The following GRB2 variants were observed in gnomAD, a reference collection of about 807,000 sequenced individuals.
GRB2 encodes growth factor receptor-bound protein 2.
Under a neutral mutation model 27.4 loss-of-function variants are expected in GRB2, and 2 were observed. The observed-to-expected ratio is 0.07, with a 90% CI of 0.03 to 0.23. The LOEUF (loss-of-function observed/expected upper bound fraction) is 0.23. GRB2 is among the 10% of genes least tolerant of loss of function. The pLI is 1.00. For missense variants in GRB2, 102 were observed against 282.4 expected, an observed-to-expected ratio of 0.36 and a Z score of 4.58; for synonymous variants, 94 against 99.6, an observed-to-expected ratio of 0.94 and a Z score of 0.33.
At chr17:75,367,877 T>C (rs2078829984) in intron 2 of GRB2, among the ~76,000 whole-genome samples, 4 of 152,162 alleles carry the variant, frequency 2.6e-5, no homozygotes, top group Admixed American at 2.0e-4. Context: ...TTTAGATTTT[T>C]TTCGTTGTTT....
intron 2 of GRB2, among the ~76,000 whole-genome samples, chr17:75,377,378 T>TGG (rs2078900897): frequency 1.3e-5 from 2 of 151,772 alleles, no homozygotes; most frequent in Non-Finnish European, 2.9e-5. Flanking sequence ...CCCAACACTT[T>TGG]GGGAGGTCAA....
At chr17:75,379,282 C>T (rs560393869) in intron 2 of GRB2, among the ~76,000 whole-genome samples, 2 of 151,746 alleles carry the variant, frequency 1.3e-5, no homozygotes, top group African/African-American at 2.4e-5. Flanking sequence ...TATTTAATTT[C>T]AAAATTGTTA....
chr17:75,370,145 C>T (rs2078846541), intron 2 of GRB2, among the ~76,000 whole-genome samples: 1 of 152,192 alleles, frequency 6.6e-6, no homozygotes, highest in African/African-American at 2.4e-5. Flanking sequence ...ATATGGTTAG[C>T]TGTTAACAGA....
intron 2 of GRB2, among the ~76,000 whole-genome samples, chr17:75,354,906 G>C (rs563439733): frequency 6.6e-6 from 1 of 152,302 alleles, no homozygotes; most frequent in East Asian, 1.9e-4. Context: ...GTTCATGCTT[G>C]TAATCTCAGC....
intron 1 of GRB2, among the ~76,000 whole-genome samples, chr17:75,396,490 T>TA (rs2079030086): frequency 6.6e-6 from 1 of 152,138 alleles, no homozygotes; most frequent in Admixed American, 6.5e-5. Context: ...GCATGGTCTC[T>TA]AGAGGCAGGC....
At chr17:75,339,917 C>T (rs1349257485) in intron 2 of GRB2, among the ~76,000 whole-genome samples, 1 of 152,172 alleles carries the variant, frequency 6.6e-6, no homozygotes, top group Non-Finnish European at 1.5e-5. Context: ...GCGTTAGCCA[C>T]GGCACCTGGC....
intron 2 of GRB2, among the ~76,000 whole-genome samples, chr17:75,374,296 C>T (rs2078876826): frequency 6.8e-6 from 1 of 147,214 alleles, no homozygotes; most frequent in Admixed American, 7.1e-5. Flanking sequence ...TCCAGCTAGT[C>T]AGGAGGCTGA....
At chr17:75,332,232 C>T (rs1332897312) in intron 3 of GRB2, among the ~76,000 whole-genome samples, 2 of 152,104 alleles carry the variant, frequency 1.3e-5, no homozygotes, top group African/African-American at 2.4e-5. Flanking sequence ...ATTTTGTTCT[C>T]TTGTAAGTAG....
At chr17:75,368,701 T>C (rs1164684365) in intron 2 of GRB2, among the ~76,000 whole-genome samples, 1 of 152,040 alleles carries the variant, frequency 6.6e-6, no homozygotes. Context: ...CATGCAACCA[T>C]GCCCGGCTCA....
At chr17:75,323,613 T>G (rs7216045) in intron 4 of GRB2, among the ~76,000 whole-genome samples, 1,740 of 152,312 alleles carry the variant, frequency 0.011, 30 homozygotes, top group South Asian at 0.049. Context: ...TAAAAGATTC[T>G]ACTTGAGAAA....
intron 2 of GRB2, among the ~76,000 whole-genome samples, chr17:75,366,862 T>A (rs561400032): frequency 6.6e-6 from 1 of 151,600 alleles, no homozygotes; most frequent in African/African-American, 2.4e-5. Context: ...AATAAGCCAA[T>A]GAAAACGAAA....
rs2078461943 is a variant in GRB2 at position 75,321,797 on chromosome 17, C to T, written c.330G>A (p.Val110=). The change falls in exon 5 of 6, where the codon GTG becomes GTA. Residue 110 remains valine (V), a synonymous_variant. Coordinates refer to ENST00000316804, the MANE Select transcript of GRB2 (RefSeq NM_002086.5). The stretch of plus-strand genomic sequence containing the variant: ...AGTACTTCCCGGCTCCATCTCGGAG[C>T]ACCTTGAAGTGCTGCACATCGTTTC... ...KFGNDVQHFK[V]LRDGAGKYFL... is the part of the protein sequence containing the mutation. 6.2e-7 allele frequency: 1 copy of T among 1,614,086 alleles called. No individual in the cohort carries two copies. Among genetic ancestry groups the T allele is most frequent in the South Asian group, 1.1e-5 (1 of 91,084 alleles).
chr17:75,398,981 C>T (rs958036819), intron 1 of GRB2, among the ~76,000 whole-genome samples: 3 of 152,092 alleles, frequency 2.0e-5, no homozygotes, highest in African/African-American at 7.2e-5. Context: ...CTCCCGACCT[C>T]AGGTGATCCG....
chr17:75,318,179 AT>A lies in GRB2; in HGVS notation c.*2188del, dbSNP rs138135673. The A allele has an allele frequency of 2.0e-4, 30 of 151,646 alleles. No homozygotes were observed. In the South Asian group the frequency reaches 4.2e-3, roughly 21 times the overall value. 9.4% of individuals were successfully genotyped at this position (151,646 alleles called of 1,614,324 possible). A position where few individuals can be genotyped will look rare whatever the true frequency, so the allele number is the denominator to read the frequency against. ...TACATAGGTCTTTATTTAAACACTG[AT>A]TTTTTTTTTAAATATATACACACAA... On this transcript the variant is annotated 3_prime_UTR_variant, in exon 6 of 6. Coordinates refer to ENST00000316804, the MANE Select transcript of GRB2 (RefSeq NM_002086.5).
intron 2 of GRB2, chr17:75,344,271 G>A (rs764176456): frequency 2.0e-5 from 3 of 152,066 alleles, no homozygotes; most frequent in Non-Finnish European, 2.9e-5. Flanking sequence ...TAGACAGATT[G>A]TTGTTTGGCT....
At chr17:75,378,121 C>G (rs1260277496) in intron 2 of GRB2, among the ~76,000 whole-genome samples, 1 of 152,008 alleles carries the variant, frequency 6.6e-6, no homozygotes, top group Non-Finnish European at 1.5e-5. Flanking sequence ...TGCAGTGGCT[C>G]ACGCCTGTAA....
chr17:75,358,516 T>C (rs1412118418), intron 2 of GRB2, among the ~76,000 whole-genome samples: 4 of 151,888 alleles, frequency 2.6e-5, no homozygotes. Flanking sequence ...CATGGCATTA[T>C]CCTAAAACGG....
At chr17:75,353,028 A>C (rs2078702968) in intron 2 of GRB2, among the ~76,000 whole-genome samples, 2 of 151,956 alleles carry the variant, frequency 1.3e-5, no homozygotes, top group Non-Finnish European at 2.9e-5. Flanking sequence ...TACTAAAAAT[A>C]CAAAAAATTA....
intron 2 of GRB2, among the ~76,000 whole-genome samples, chr17:75,386,717 T>C (rs1001687073): frequency 6.6e-6 from 1 of 152,234 alleles, no homozygotes; most frequent in East Asian, 1.9e-4. Flanking sequence ...GGTCTACTCA[T>C]ACCTGGACAG....
Sources: allele counts gnomAD v4.1 joint callset (sites outside exome capture counted in the v4.1 genomes callset), GRCh38; gene constraint gnomAD v4.1.1; transcripts MANE v1.5; gene names NCBI Gene and HGNC (gene_info 2026-07-23, HGNC 2026-07-21).